Variants in VPS54 observed in about 807,000 individuals in gnomAD.
The protein encoded by VPS54 is VPS54 subunit of GARP complex.
A neutral mutation model predicts 121.5 loss-of-function variants in VPS54; 45 were observed. That is an observed-to-expected ratio of 0.37 (90% CI 0.29 to 0.47). VPS54 has a LOEUF of 0.47. VPS54 is among the 20% of genes least tolerant of loss of function. The pLI, the probability that VPS54 is intolerant of heterozygous loss-of-function variation, is 0.99. For synonymous variants in VPS54, 371 were observed against 385.8 expected, an observed-to-expected ratio of 0.96 and a Z score of 0.45; for missense variants, 1,090 against 1,131.4, an observed-to-expected ratio of 0.96 and a Z score of 0.52.
In VPS54 at chr2:64,005,099, T is replaced by C. The variant is rs868006108; in HGVS notation, c.-21+13839A>G. ...AGTCTACTATTGCTTCTTTTTTTTTTTTTTTTTTTTTTTTTTTTTTTTGAG... is the reference window on the plus strand; with the variant it reads ...AGTCTACTATTGCTTCTTTTTTTTTCTTTTTTTTTTTTTTTTTTTTTTGAG... On this transcript the variant is annotated intron_variant, in intron 1 of 22. Transcript: ENST00000272322. Among the ~76,000 whole-genome samples, 275 of 92,862 alleles carry C rather than the reference T, an allele frequency of 3.0e-3. 1 individual carries two copies. Among genetic ancestry groups the C allele is most frequent in the African/African-American group, 0.013 (261 of 19,876 alleles). The allele number at this position is 92,862 out of a possible 152,430, so 60.9% of individuals were successfully genotyped here.
intron 5 of VPS54, 39 bp downstream of exon 5, chr2:63,968,918 A>G (rs924214006): frequency 1.3e-6 from 2 of 1,570,034 alleles, no homozygotes; most frequent in East Asian, 4.5e-5. Context: ...TAAAGATCAA[A>G]TATTATAAGG....
chr2:63,919,985 C>T lies in VPS54; in HGVS notation c.2062G>A (p.Asp688Asn). Residue 688 changes from aspartate to asparagine, a missense_variant, in exon 15 of 23, where the codon GAC becomes AAC. Asp to Asn is a conservative substitution (Grantham distance 23, BLOSUM62 1). Around this residue, in one of 2 missense-constraint regions of VPS54, gnomAD observed 289 missense variants for 374.4 expected, o/e 0.77. Coordinates refer to ENST00000272322, the MANE Select transcript of VPS54 (RefSeq NM_016516.3). ...ERKTKLSLLLDNERWKQADVP... is the reference protein window; with the variant it reads ...ERKTKLSLLLNNERWKQADVP... The stretch of plus-strand genomic sequence containing the variant: ...TCTGCTTGCTTCCAGCGCTCATTGT[C>T]TAAGAGGAGGCTAGTCCACAGTAAG... 1.2e-6 allele frequency: 2 copies of T among 1,610,106 alleles called. No individual in the cohort carries two copies. The highest frequency in any genetic ancestry group is 2.7e-5 in the African/African-American group (2 of 74,790).
At chr2:63,968,130 C>T (rs1249793061) in intron 5 of VPS54, among the ~76,000 whole-genome samples, 2 of 151,272 alleles carry the variant, frequency 1.3e-5, no homozygotes, top group Non-Finnish European at 1.5e-5. Context: ...TCTTTCTTAC[C>T]CTAAAGAACA....
chr2:63,940,274 GAAGT>G lies in VPS54; in HGVS notation c.1398+2187_1398+2190del, dbSNP rs564896168. On this transcript the variant is annotated intron_variant, in intron 11 of 22. Transcript: ENST00000272322. The stretch of plus-strand genomic sequence containing the variant: ...CTTGTAATTAACATTATTTTTCAGT[GAAGT>G]AATACTTGACAGAATCACAAACTTT... 7.6e-4 allele frequency among the ~76,000 whole-genome samples: 116 copies of G among 152,124 alleles called. 2 individuals carry two copies. Among genetic ancestry groups the G allele is most frequent in the African/African-American group, 2.6e-3 (109 of 41,510 alleles).
intron 7 of VPS54, among the ~76,000 whole-genome samples, chr2:63,956,259 T>C (rs1412337835): frequency 6.6e-6 from 1 of 152,162 alleles, no homozygotes; most frequent in Non-Finnish European, 1.5e-5. Context: ...TCAAATAACA[T>C]GTTAAATACC....
intron 3 of VPS54, among the ~76,000 whole-genome samples, chr2:63,977,981 C>T (rs1226369063): frequency 1.3e-5 from 2 of 152,170 alleles, no homozygotes; most frequent in Non-Finnish European, 2.9e-5. Context: ...AGGTCTGAGA[C>T]ATGTAGTCCT....
intron 1 of VPS54, among the ~76,000 whole-genome samples, chr2:64,012,217 G>A (rs1678461767): frequency 6.6e-6 from 1 of 151,856 alleles, no homozygotes; most frequent in Non-Finnish European, 1.5e-5. Flanking sequence ...TCAATACAGT[G>A]TGTCTTTGCT....
At chr2:63,986,960 CT>C (rs1677081758) in intron 1 of VPS54, among the ~76,000 whole-genome samples, 1 of 152,154 alleles carries the variant, frequency 6.6e-6, no homozygotes, top group Non-Finnish European at 1.5e-5. Context: ...CCTATATATT[CT>C]TGTTATTAAT....
Position 63,983,909 on chromosome 2 carries a change from G to A in VPS54, c.91C>T (p.Arg31Ter), listed in dbSNP as rs141455298. 1 of 1,613,050 alleles carries A rather than the reference G, an allele frequency of 6.2e-7. No individual in the cohort carries two copies. The highest frequency in any genetic ancestry group is 8.5e-7 in the Non-Finnish European group (1 of 1,179,700). ...ACATCTGGCAGTGATGGCACAGGTC[G>A]AATGTGTTTTGACGGATCTACCTCT... The part of the protein sequence containing the change: ...KIEVDPSKHI[R>*]PVPSLPDVCP... The change falls in exon 2 of 23, where the codon CGA (arginine) becomes TGA (stop). Residue 31 changes from arginine (R) to a stop codon, truncating the protein, a stop_gained. Coordinates refer to ENST00000272322, the MANE Select transcript of VPS54 (RefSeq NM_016516.3). LOFTEE classifies it high-confidence loss of function.
chr2:63,941,941 G>A (rs183637232), intron 11 of VPS54, among the ~76,000 whole-genome samples: 13 of 146,078 alleles, frequency 8.9e-5, no homozygotes, highest in Admixed American at 2.8e-4. Context: ...GGCTGAGGTA[G>A]AAGAATCACT....
At chr2:63,971,533 T>C (rs1197911922) in intron 4 of VPS54, among the ~76,000 whole-genome samples, 3 of 152,228 alleles carry the variant, frequency 2.0e-5, no homozygotes, top group African/African-American at 7.2e-5. Flanking sequence ...CTCTTTATTC[T>C]ATGGCTTTGT....
intron 4 of VPS54, among the ~76,000 whole-genome samples, chr2:63,970,593 G>T (rs1425703116): frequency 6.6e-6 from 1 of 151,990 alleles, no homozygotes; most frequent in Admixed American, 6.6e-5. Flanking sequence ...CAAAATAAAG[G>T]AGACTTCTCA....
In VPS54 at chr2:63,916,961, T is replaced by C; in HGVS notation, c.2167A>G (p.Thr723Ala). The change falls in exon 16 of 23, where the codon ACA becomes GCA. Residue 723 changes from threonine to alanine, a missense_variant and splice_region_variant. Physicochemically the swap from Thr to Ala is moderately conservative, Grantham distance 58. Coordinates refer to ENST00000272322, the MANE Select transcript of VPS54 (RefSeq NM_016516.3). ...IALPEKKSGA[T>A]EERKPAEVLI... ...ACTTCAGCTGGTTTCCTTTCTTCTG[T>C]GGCTACAGAGTTAAGCAAATAAACG... The C allele has an allele frequency of 6.2e-7, 1 of 1,613,530 alleles. No individual in the cohort carries two copies. The highest frequency in any genetic ancestry group is 2.2e-5 in the East Asian group (1 of 44,834).
chr2:63,964,932 T>G (rs1263935007), intron 6 of VPS54, among the ~76,000 whole-genome samples: 1 of 152,178 alleles, frequency 6.6e-6, no homozygotes, highest in Non-Finnish European at 1.5e-5. Context: ...TCTTGATAAG[T>G]AAATTATATT....
At chr2:63,996,317 T>A (rs955051220) in intron 1 of VPS54, among the ~76,000 whole-genome samples, 1 of 152,180 alleles carries the variant, frequency 6.6e-6, no homozygotes, top group African/African-American at 2.4e-5. Context: ...ATTTATCACT[T>A]CCCCAATCAA....
intron 7 of VPS54, among the ~76,000 whole-genome samples, chr2:63,957,000 G>A (rs1675524779): frequency 6.6e-6 from 1 of 152,042 alleles, no homozygotes; most frequent in Admixed American, 6.6e-5. Flanking sequence ...CGAGACTTAT[G>A]TACTACATCT....
chr2:63,951,152 G>C (rs1055397485), intron 7 of VPS54, among the ~76,000 whole-genome samples: 25 of 147,622 alleles, frequency 1.7e-4, no homozygotes, highest in Non-Finnish European at 4.5e-5. Context: ...CTTGCAAAAA[G>C]AAAAGGTTTT....
intron 20 of VPS54, among the ~76,000 whole-genome samples, chr2:63,908,724 C>G (rs1297964605): frequency 1.3e-5 from 2 of 152,172 alleles, no homozygotes; most frequent in African/African-American, 4.8e-5. Context: ...TCAATATTTA[C>G]TAGAACTTGC....
chr2:63,962,527 A>G (rs1675817281), intron 6 of VPS54, 84 bp from the exon 7 acceptor site: 1 of 1,416,206 alleles, frequency 7.1e-7, no homozygotes, highest in East Asian at 2.4e-5. Flanking sequence ...ATGATAAAAG[A>G]TTTCTACATA....
Sources: gnomAD v4.1 joint callset for allele counts (sites outside exome capture counted in the v4.1 genomes callset) on GRCh38, gnomAD v4.1.1 for gene constraint, gnomAD v4.1.1 regional missense constraint, MANE v1.5 for transcripts, NCBI Gene and HGNC (gene_info 2026-07-23, HGNC 2026-07-21) for gene names.